ZNF83: variants seen among roughly 807,000 people sequenced by gnomAD.
ZNF83 encodes the protein zinc finger protein 816B.
For missense variants in ZNF83, 552 were observed against 629.9 expected (o/e 0.88, Z 1.32); for synonymous variants, 209 against 213.0 (o/e 0.98, Z 0.17).
intron 2 of ZNF83, among the ~76,000 whole-genome samples, chr19:52,632,237 C>A (rs982178956): frequency 1.3e-5 from 2 of 152,148 alleles, no homozygotes; most frequent in African/African-American, 2.4e-5. Flanking sequence ...TTCAGTGAAC[C>A]CTTATGGTCC....
At chr19:52,656,461 G>A (rs7256179) in intron 2 of ZNF83, among the ~76,000 whole-genome samples, 79,766 of 151,944 alleles carry the variant, frequency 0.52, 21,485 homozygotes, top group East Asian at 0.71. Flanking sequence ...GGAGGCAGAG[G>A]TTGTGGTAAG....
chr19:52,639,542 G>A (rs944647894), upstream of ZNF83, among the ~76,000 whole-genome samples: 4 of 147,160 alleles, frequency 2.7e-5, no homozygotes, highest in African/African-American at 2.5e-5. Flanking sequence ...CTCAGCCTCC[G>A]GAGTAGTTGA....
chr19:52,638,929 G>C (rs1393127640), upstream of ZNF83, among the ~76,000 whole-genome samples: 1 of 152,210 alleles, frequency 6.6e-6, no homozygotes, highest in Non-Finnish European at 1.5e-5. Context: ...GTTCAGGCCA[G>C]CCTGGGCGAC....
chr19:52,620,262 G>A (rs1487155989), intron 2 of ZNF83, among the ~76,000 whole-genome samples: 2 of 132,322 alleles, frequency 1.5e-5, no homozygotes, highest in Non-Finnish European at 3.3e-5. Flanking sequence ...ATCTGTGTGT[G>A]TATATCTCTG....
chr19:52,680,357 A>T (rs560020934), intron 1 of ZNF83, among the ~76,000 whole-genome samples: 1 of 152,234 alleles, frequency 6.6e-6, no homozygotes, highest in African/African-American at 2.4e-5. Flanking sequence ...CCCTCTGCGC[A>T]GGGTTCAGGC....
At chr19:52,684,858 G>A (rs1234820206) in intron 1 of ZNF83, among the ~76,000 whole-genome samples, 1 of 152,222 alleles carries the variant, frequency 6.6e-6, no homozygotes, top group African/African-American at 2.4e-5. Flanking sequence ...CAGGAGGCTG[G>A]ACACTGGCAG....
At chr19:52,645,807 C>CG (rs957012804) in intron 3 of ZNF83, among the ~76,000 whole-genome samples, 2 of 149,026 alleles carry the variant, frequency 1.3e-5, no homozygotes, top group Admixed American at 6.7e-5. Flanking sequence ...ATTCTGCCCC[C>CG]CCCCAAAAAA....
At chr19:52,635,759 C>T (rs2061123921) in intron 1 of ZNF83, 1 of 152,032 alleles carries the variant, frequency 6.6e-6, no homozygotes, top group South Asian at 2.1e-4. Context: ...CTCTGAAAGG[C>T]CAAGGTGGGC....
In ZNF83 at chr19:52,646,456, C is replaced by A. The variant is rs543090264; in HGVS notation, c.-74+9105G>T. Among the ~76,000 whole-genome samples, 6 of 152,054 alleles carry A rather than the reference C, an allele frequency of 3.9e-5. No homozygotes were observed. The East Asian group carries it at 1.2e-3, about 29-fold the overall frequency. Reference sequence around the variant, plus strand: ...CCTAGCTACTCGGGAGGCCAAGGTACGAGGATCACTTGACCCCCGGAGGTC... The same window carrying A: ...CCTAGCTACTCGGGAGGCCAAGGTAAGAGGATCACTTGACCCCCGGAGGTC... On this transcript the variant is annotated intron_variant, in intron 3 of 5. Transcript: ENST00000594682.
intron 1 of ZNF83, among the ~76,000 whole-genome samples, chr19:52,666,056 T>A (rs1258593302): frequency 6.7e-6 from 1 of 148,540 alleles, no homozygotes; most frequent in Admixed American, 6.7e-5. Flanking sequence ...CCCAGCTACT[T>A]GGAAGGGTGA....
At chr19:52,683,814 C>A (rs751625438) in intron 1 of ZNF83, among the ~76,000 whole-genome samples, 8 of 152,186 alleles carry the variant, frequency 5.3e-5, no homozygotes, top group Non-Finnish European at 1.0e-4. Context: ...GCCCCTCAGT[C>A]TTCCGAGGAC....
intron 2 of ZNF83, among the ~76,000 whole-genome samples, chr19:52,631,804 A>G (rs994118722): frequency 6.6e-6 from 1 of 152,188 alleles, no homozygotes; most frequent in African/African-American, 2.4e-5. Flanking sequence ...AAGGCAGGCT[A>G]TGCTATAGTA....
chr19:52,630,348 G>A (rs144312087), intron 2 of ZNF83, among the ~76,000 whole-genome samples: 12,359 of 151,998 alleles, frequency 0.081, 527 homozygotes, highest in Middle Eastern at 0.1. Flanking sequence ...TAATCAATAC[G>A]GAGGCTACCC....
At position 52,684,363 on chromosome 19, in the gene ZNF83, A is replaced by C. The variant is rs532524032; in HGVS notation, c.-283+6080T>G. The stretch of plus-strand genomic sequence containing the variant: ...CCTGGGTGACAGAGTGAGACTCAAA[A>C]ATAAAATATAATAAAATAAAAATAA... On this transcript the variant is annotated intron_variant, in intron 1 of 5. Coordinates refer to the ZNF83 transcript ENST00000594682. Among the ~76,000 whole-genome samples, 193 of 151,916 alleles carry C rather than the reference A, an allele frequency of 1.3e-3. 1 individual carries two copies. The highest frequency in any genetic ancestry group is 4.3e-3 in the African/African-American group (177 of 41,454).
At position 52,668,723 on chromosome 19, in the gene ZNF83, C is replaced by A. The variant is rs116324012; in HGVS notation, c.-282-7880G>T. ...GGCTAAAATGGATCAAATATTCCCTCTGCATGTTGAACAAAGGCAATTGTT... is the reference window on the plus strand; with the variant it reads ...GGCTAAAATGGATCAAATATTCCCTATGCATGTTGAACAAAGGCAATTGTT... On this transcript the variant is annotated intron_variant, in intron 1 of 5. Coordinates refer to the ZNF83 transcript ENST00000594682. Among the ~76,000 whole-genome samples, 905 of 152,328 alleles carry A rather than the reference C, an allele frequency of 5.9e-3. 9 individuals carry two copies. Among genetic ancestry groups the A allele is most frequent in the African/African-American group, 0.021 (855 of 41,566 alleles).
At chr19:52,614,082 CAT>C (rs1322157900) in exon 3 of ZNF83, 1 of 1,612,710 alleles carries the variant, frequency 6.2e-7, no homozygotes, top group Admixed American at 1.7e-5. Flanking sequence ...CAAGGTGTGA[CAT>C]ATTATGGAAG....
In ZNF83 at chr19:52,663,259, A is replaced by C. The variant is rs535165771; in HGVS notation, c.-282-2416T>G. 3.3e-5 allele frequency among the ~76,000 whole-genome samples: 5 copies of C among 152,318 alleles called. No homozygotes were observed. In the East Asian group the frequency reaches 5.8e-4, roughly 18 times the overall value. ...TAAGGTCCTGATGGCATGAATCCTAAACATGCAATTATTTTCCCAGAAAAA... is the reference window on the plus strand; with the variant it reads ...TAAGGTCCTGATGGCATGAATCCTACACATGCAATTATTTTCCCAGAAAAA... On this transcript the variant is annotated intron_variant, in intron 1 of 5. Coordinates refer to the ZNF83 transcript ENST00000594682.
chr19:52,613,704 T>C, exon 3 of ZNF83: 1 of 1,363,230 alleles, frequency 7.3e-7, no homozygotes, highest in Non-Finnish European at 9.5e-7. Flanking sequence ...ATTTGTAAGG[T>C]TTCTCTCCAG....
chr19:52,684,986 G>A (rs530486417), intron 1 of ZNF83, among the ~76,000 whole-genome samples: 46 of 152,310 alleles, frequency 3.0e-4, no homozygotes, highest in South Asian at 1.2e-3. Flanking sequence ...TTTAGATTTG[G>A]CTGTGATGTC....
Sources: allele counts gnomAD v4.1 joint callset (sites outside exome capture counted in the v4.1 genomes callset), GRCh38; gene constraint gnomAD v4.1.1; transcripts MANE v1.5; gene names NCBI Gene and HGNC (gene_info 2026-07-23, HGNC 2026-07-21).